COL5A2: variants seen among roughly 807,000 people sequenced by gnomAD.
The protein encoded by COL5A2 is collagen alpha-2(V) chain.
A neutral mutation model predicts 208.2 loss-of-function variants in COL5A2; 23 were observed. The ratio of observed to expected loss-of-function variants is 0.11; its 90% CI spans 0.08 to 0.16. The LOEUF is 0.16. Among genes scored for constraint, COL5A2 ranks in the 10% least tolerant of loss-of-function variants. COL5A2 has a pLI of 1.00. For synonymous variants in COL5A2, 625 were observed against 628.5 expected, an observed-to-expected ratio of 0.99 and a Z score of 0.08; for missense variants, 1,590 against 1,956.4, an observed-to-expected ratio of 0.81 and a Z score of 3.53.
chr2:189,232,654 T>C, the COL5A2 span, among the ~76,000 whole-genome samples: 281 of 151,872 alleles, frequency 1.9e-3, 1 homozygote, highest in African/African-American at 6.4e-3. Flanking sequence ...TAATTTTGAA[T>C]GCAATTATAT....
chr2:189,389,000 A>G, the COL5A2 span, among the ~76,000 whole-genome samples: 1 of 152,196 alleles, frequency 6.6e-6, no homozygotes, highest in Non-Finnish European at 1.5e-5. Flanking sequence ...TTGAATAGTT[A>G]TGATCAAATA....
At chr2:189,158,403 T>C (rs752390772) in intron 1 of COL5A2, among the ~76,000 whole-genome samples, 18 of 152,072 alleles carry the variant, frequency 1.2e-4, no homozygotes, top group Non-Finnish European at 2.5e-4. Context: ...GCCATCATTT[T>C]ATTAGTATTC....
the COL5A2 span, among the ~76,000 whole-genome samples, chr2:189,315,886 T>G: frequency 6.6e-6 from 1 of 152,016 alleles, no homozygotes; most frequent in Admixed American, 6.6e-5. Flanking sequence ...ACTAAACGAA[T>G]GCACTGAGAT....
the COL5A2 span, among the ~76,000 whole-genome samples, chr2:189,347,125 C>T: frequency 1.3e-5 from 2 of 152,142 alleles, no homozygotes; most frequent in African/African-American, 4.8e-5. Flanking sequence ...AAGTCACAGC[C>T]CTAGCATTAC....
chr2:189,165,384 C>G (rs991787907), intron 1 of COL5A2, among the ~76,000 whole-genome samples: 3 of 152,090 alleles, frequency 2.0e-5, no homozygotes, highest in African/African-American at 7.2e-5. Flanking sequence ...TATAGTTTTT[C>G]CTCTTCCACT....
chr2:189,406,168 C>G, the COL5A2 span, among the ~76,000 whole-genome samples: 1 of 152,024 alleles, frequency 6.6e-6, no homozygotes, highest in Non-Finnish European at 1.5e-5. Flanking sequence ...TTCCAAGTAA[C>G]AGAAAAATAT....
Position 189,179,676 on chromosome 2 carries a change from G to T in COL5A2, c.-72C>A. On this transcript the variant is annotated 5_prime_UTR_variant, in exon 1 of 54. Coordinates refer to ENST00000374866, the MANE Select transcript of COL5A2 (RefSeq NM_000393.5). ...TCTGAGGTTATTGTAGCACCATGAA[G>T]TCAGCTGTGGGCTCTTCTTTCAGCA... 1 of 1,548,598 alleles carries T rather than the reference G, an allele frequency of 6.5e-7. No individual in the cohort carries two copies. Among genetic ancestry groups the T allele is most frequent in the East Asian group, 2.4e-5 (1 of 41,192 alleles).
the COL5A2 span, among the ~76,000 whole-genome samples, chr2:189,392,248 A>G: frequency 2.0e-5 from 3 of 152,106 alleles, no homozygotes; most frequent in Non-Finnish European, 4.4e-5. Flanking sequence ...AATCCCTAGA[A>G]TGAGTACCTT....
chr2:189,367,484 C>T, the COL5A2 span, among the ~76,000 whole-genome samples: 4 of 152,206 alleles, frequency 2.6e-5, no homozygotes, highest in African/African-American at 7.2e-5. Flanking sequence ...AGATCGACTA[C>T]ACTACTATTG....
chr2:189,179,310 C>T (rs973653116), intron 1 of COL5A2, among the ~76,000 whole-genome samples, 198 bp downstream of exon 1: 4 of 152,128 alleles, frequency 2.6e-5, no homozygotes, highest in Non-Finnish European at 4.4e-5. Context: ...TGTACTCTCT[C>T]CAACGGTGGA....
chr2:189,115,653 C>T (rs1687374560), intron 1 of COL5A2, among the ~76,000 whole-genome samples: 1 of 152,168 alleles, frequency 6.6e-6, no homozygotes, highest in African/African-American at 2.4e-5. Context: ...CAGGTTTGTG[C>T]TGATCATTTT....
At position 189,198,116 on chromosome 2, in the gene COL5A2, T is replaced by C. The variant is rs554926608; in HGVS notation, c.-42+27032A>G. 3.3e-5 allele frequency among the ~76,000 whole-genome samples: 5 copies of C among 152,302 alleles called. No individual in the cohort carries two copies. The East Asian group carries it at 9.6e-4, about 29-fold the overall frequency. Reference sequence around the variant, plus strand: ...CGCCTGCTTACCTTAACCTTTAATATGATACATATTTAGATCTAGGAGTAC... The same window carrying C: ...CGCCTGCTTACCTTAACCTTTAATACGATACATATTTAGATCTAGGAGTAC... On this transcript the variant is annotated intron_variant, in intron 1 of 10. Coordinates refer to the COL5A2 transcript ENST00000649966.
chr2:189,051,401 A>G lies in COL5A2; in HGVS notation c.2850T>C (p.His950=), dbSNP rs776009969. 10 of 1,613,904 alleles carry G rather than the reference A, an allele frequency of 6.2e-6. No individual in the cohort carries two copies. The African/African-American group carries it at 8.0e-5, about 13-fold the overall frequency. Residue 950 remains histidine, a synonymous_variant, in exon 42 of 54, where the codon CAT becomes CAC. Transcript: ENST00000374866. The part of the protein sequence containing the change: ...PPGLRGDPGS[H]GRVGDRGPAG... ...CTGGTCCTCGATCTCCCACACGCCCATGAGAGCCAGGGTCCCCACGAAGAC... is the reference window on the plus strand; with the variant it reads ...CTGGTCCTCGATCTCCCACACGCCCGTGAGAGCCAGGGTCCCCACGAAGAC...
intron 1 of COL5A2, among the ~76,000 whole-genome samples, chr2:189,191,453 C>T (rs1485657953): frequency 2.6e-5 from 4 of 151,934 alleles, no homozygotes; most frequent in African/African-American, 9.7e-5. Flanking sequence ...CCAGCCTGGC[C>T]AACATGTTGA....
At chr2:189,344,270 G>A in the COL5A2 span, among the ~76,000 whole-genome samples, 5 of 152,138 alleles carry the variant, frequency 3.3e-5, no homozygotes, top group Non-Finnish European at 5.9e-5. Flanking sequence ...AATGTTGGAC[G>A]AAACAGTTTC....
At chr2:189,153,992 C>G (rs189175715) in intron 1 of COL5A2, among the ~76,000 whole-genome samples, 4 of 152,086 alleles carry the variant, frequency 2.6e-5, no homozygotes, top group Middle Eastern at 3.2e-3. Flanking sequence ...AAAATTGCAA[C>G]CTACTGACTG....
intron 1 of COL5A2, among the ~76,000 whole-genome samples, chr2:189,214,460 C>T (rs931265143): frequency 2.0e-5 from 3 of 151,850 alleles, no homozygotes; most frequent in Non-Finnish European, 2.9e-5. Context: ...CATAATTTTC[C>T]CTTTATACAT....
At chr2:189,269,745 G>A in the COL5A2 span, among the ~76,000 whole-genome samples, 1 of 152,162 alleles carries the variant, frequency 6.6e-6, no homozygotes, top group Non-Finnish European at 1.5e-5. Flanking sequence ...GATGATGCTG[G>A]CCTCATAAAA....
chr2:189,311,670 T>C, the COL5A2 span: 2 of 760,670 alleles, frequency 2.6e-6, no homozygotes, highest in Non-Finnish European at 4.7e-6. Flanking sequence ...TCCATGAGCA[T>C]CATCTCAGCA....
Sources: allele counts gnomAD v4.1 joint callset (sites outside exome capture counted in the v4.1 genomes callset), GRCh38; gene constraint gnomAD v4.1.1; transcripts MANE v1.5; gene names NCBI Gene and HGNC (gene_info 2026-07-23, HGNC 2026-07-21).